EHBP1: variants seen among roughly 807,000 people sequenced by gnomAD.
EHBP1 encodes the protein EH domain-binding protein 1.
A neutral mutation model predicts 144.0 loss-of-function variants in EHBP1; 55 were observed. The ratio of observed to expected loss-of-function variants is 0.38; its 90% confidence interval spans 0.31 to 0.48. The LOEUF is 0.48. Ranked by LOEUF, EHBP1 falls within the 20% of genes least tolerant of loss-of-function variation. EHBP1 has a pLI of 0.98. For synonymous variants in EHBP1, 469 were observed against 472.7 expected, an observed-to-expected ratio of 0.99 and a Z score of 0.10; for missense variants, 1,200 against 1,364.2, an observed-to-expected ratio of 0.88 and a Z score of 1.90.
intron 10 of EHBP1, among the ~76,000 whole-genome samples, chr2:62,893,888 A>G (rs2052661002): frequency 6.6e-6 from 1 of 152,140 alleles, no homozygotes; most frequent in South Asian, 2.1e-4. Context: ...CACTACAAAT[A>G]CAAAAAATTA....
intron 2 of EHBP1, among the ~76,000 whole-genome samples, chr2:62,714,229 A>G (rs2035443812): frequency 6.6e-6 from 1 of 152,186 alleles, no homozygotes; most frequent in Non-Finnish European, 1.5e-5. Context: ...CTTAAAAAGA[A>G]AAAAAGAAAG....
chr2:62,847,713 G>T (rs2048391540), intron 7 of EHBP1, among the ~76,000 whole-genome samples: 1 of 152,136 alleles, frequency 6.6e-6, no homozygotes, highest in South Asian at 2.1e-4. Context: ...GCAAGTCATA[G>T]ATTAGAAGAA....
intron 3 of EHBP1, among the ~76,000 whole-genome samples, chr2:62,757,879 G>C (rs547175349): frequency 4.0e-4 from 61 of 152,148 alleles, no homozygotes; most frequent in African/African-American, 1.4e-3. Context: ...AAAATAATAG[G>C]ACGCCTTCTG....
chr2:62,965,417 A>G (rs2058202956), intron 14 of EHBP1, among the ~76,000 whole-genome samples: 1 of 152,184 alleles, frequency 6.6e-6, no homozygotes, highest in African/African-American at 2.4e-5. Context: ...GATACTGTAT[A>G]AGAATCTTAC....
At chr2:62,840,149 C>A (rs1440434751) in intron 7 of EHBP1, among the ~76,000 whole-genome samples, 1 of 149,508 alleles carries the variant, frequency 6.7e-6, no homozygotes, top group Non-Finnish European at 1.5e-5. Flanking sequence ...AGATATAGAT[C>A]AATGGAACAG....
chr2:62,851,671 G>A (rs547724108), intron 7 of EHBP1, among the ~76,000 whole-genome samples: 24 of 152,130 alleles, frequency 1.6e-4, no homozygotes, highest in African/African-American at 5.5e-4. Flanking sequence ...GTTTTTTTTG[G>A]ACATTGCTTT....
At chr2:62,765,808 T>C (rs1055735269) in intron 4 of EHBP1, among the ~76,000 whole-genome samples, 2 of 152,132 alleles carry the variant, frequency 1.3e-5, no homozygotes, top group African/African-American at 4.8e-5. Context: ...GCAGGGAGAA[T>C]GGTATGATGT....
chr2:62,734,696 T>G (rs1163358634), intron 2 of EHBP1, among the ~76,000 whole-genome samples: 1 of 152,180 alleles, frequency 6.6e-6, no homozygotes, highest in Admixed American at 6.5e-5. Context: ...TGTTCTCTAT[T>G]TGTTGCCTTT....
intron 13 of EHBP1, among the ~76,000 whole-genome samples, chr2:62,952,006 T>A (rs1277398492): frequency 2.6e-5 from 4 of 152,230 alleles, no homozygotes; most frequent in Admixed American, 1.3e-4. Context: ...CTCTCGATCT[T>A]ATTTTCCATG....
At chr2:62,982,865 G>A (rs1423628796) in intron 15 of EHBP1, among the ~76,000 whole-genome samples, 1 of 152,144 alleles carries the variant, frequency 6.6e-6, no homozygotes, top group Non-Finnish European at 1.5e-5. Context: ...TTTGAGGTGA[G>A]GTGTCTTCAG....
At chr2:62,960,059 G>T (rs1260968896) in intron 14 of EHBP1, among the ~76,000 whole-genome samples, 1 of 152,140 alleles carries the variant, frequency 6.6e-6, no homozygotes, top group South Asian at 2.1e-4. Flanking sequence ...TTAAAGGATT[G>T]AAAGGAAAGG....
At chr2:62,941,666 A>T (rs755968422) in intron 10 of EHBP1, among the ~76,000 whole-genome samples, 4 of 152,138 alleles carry the variant, frequency 2.6e-5, no homozygotes, top group Admixed American at 1.3e-4. Context: ...TAAGCAGTGT[A>T]GTAAGAATGC....
chr2:62,888,902 C>T (rs2152903474), intron 10 of EHBP1, among the ~76,000 whole-genome samples: 1 of 152,152 alleles, frequency 6.6e-6, no homozygotes, highest in South Asian at 2.1e-4. Context: ...AAAAAATGCA[C>T]AGTGGAGTTA....
At chr2:62,898,728 G>A (rs868431835) in intron 10 of EHBP1, among the ~76,000 whole-genome samples, 2 of 152,044 alleles carry the variant, frequency 1.3e-5, no homozygotes, top group Admixed American at 6.6e-5. Context: ...ATGGATAGAC[G>A]AAAGGAAAAG....
At chr2:62,821,733 A>G (rs2045996658) in intron 5 of EHBP1, among the ~76,000 whole-genome samples, 1 of 152,216 alleles carries the variant, frequency 6.6e-6, no homozygotes, top group South Asian at 2.1e-4. Context: ...CAGTTATGCC[A>G]TTGAACTACA....
rs551625478 is a variant in EHBP1 at position 62,976,195 on chromosome 2, T to C, written c.2461-2993T>C. On this transcript the variant is annotated intron_variant, in intron 14 of 22. Transcript: ENST00000431489. ...GTCATTTTTGTTTTTGAAAGTGAAA[T>C]TGTCTCTCTACTGGGTTCTTCTAAT... 8.5e-5 allele frequency among the ~76,000 whole-genome samples: 13 copies of C among 152,256 alleles called. No homozygotes were observed. In the South Asian group the frequency reaches 2.7e-3, roughly 32 times the overall value.
chr2:62,879,409 T>C (rs1052638278), intron 10 of EHBP1, among the ~76,000 whole-genome samples: 1 of 152,146 alleles, frequency 6.6e-6, no homozygotes, highest in Non-Finnish European at 1.5e-5. Context: ...CCAAAGCTCC[T>C]AGATCCAATA....
At chr2:62,836,252 G>A (rs2047242250) in intron 7 of EHBP1, among the ~76,000 whole-genome samples, 1 of 151,988 alleles carries the variant, frequency 6.6e-6, no homozygotes, top group Non-Finnish European at 1.5e-5. Context: ...CACACAGCAG[G>A]GCATTCCAAC....
At chr2:62,696,863 C>G (rs1217300171) in intron 1 of EHBP1, among the ~76,000 whole-genome samples, 2 of 151,996 alleles carry the variant, frequency 1.3e-5, no homozygotes, top group African/African-American at 4.8e-5. Context: ...ACATACAAGA[C>G]AAAAAACAAC....
Sources: gnomAD v4.1 joint callset for allele counts (sites outside exome capture counted in the v4.1 genomes callset) on GRCh38, gnomAD v4.1.1 for gene constraint, MANE v1.5 for transcripts, NCBI Gene and HGNC (gene_info 2026-07-23, HGNC 2026-07-21) for gene names.